Variants in VGLL4 observed in about 807,000 individuals in gnomAD.
The protein encoded by VGLL4 is vestigial like family member 4.
VGLL4 carries 7 observed loss-of-function variants against 21.0 expected under a neutral mutation model. The observed-to-expected ratio is 0.33, with a 90% CI of 0.19 to 0.63. The LOEUF (loss-of-function observed/expected upper bound fraction) is 0.63. VGLL4 is among the 20% of genes least tolerant of loss of function. VGLL4 has a pLI of 0.78. For missense variants in VGLL4, 394 were observed against 425.7 expected (o/e 0.93, Z 0.66); for synonymous variants, 222 against 173.2 (o/e 1.28, Z -2.21).
chr3:11,700,391 T>C (rs2076663921), intron 2 of VGLL4, among the ~76,000 whole-genome samples: 1 of 152,212 alleles, frequency 6.6e-6, no homozygotes, highest in South Asian at 2.1e-4. Flanking sequence ...ATATAAAAAC[T>C]TCTAAACTGA....
chr3:11,663,100 A>G (rs998407112), intron 2 of VGLL4, among the ~76,000 whole-genome samples: 2 of 152,208 alleles, frequency 1.3e-5, no homozygotes, highest in African/African-American at 4.8e-5. Flanking sequence ...AGCTATGAAA[A>G]CAACATGAGC....
chr3:11,689,836 G>A (rs1267341473), intron 2 of VGLL4, among the ~76,000 whole-genome samples: 4 of 152,302 alleles, frequency 2.6e-5, no homozygotes, highest in East Asian at 1.9e-4. Context: ...AAACAAGCAC[G>A]GAGGCAGAGT....
intron 1 of VGLL4, among the ~76,000 whole-genome samples, chr3:11,628,539 G>A (rs1033910195): frequency 2.6e-5 from 4 of 152,010 alleles, no homozygotes; most frequent in African/African-American, 7.2e-5. Flanking sequence ...AATCAATCTC[G>A]GCCGGGCGCG....
upstream of VGLL4, among the ~76,000 whole-genome samples, chr3:11,646,970 T>C (rs1323209695): frequency 6.6e-6 from 1 of 152,234 alleles, no homozygotes. Flanking sequence ...TAATTTTATG[T>C]CTCTCAAATC....
intron 2 of VGLL4, among the ~76,000 whole-genome samples, chr3:11,581,494 A>G (rs2125225107): frequency 6.6e-6 from 1 of 152,034 alleles, no homozygotes; most frequent in East Asian, 1.9e-4. Flanking sequence ...CACTTACTCC[A>G]CTCTCCATTT....
At chr3:11,578,827 G>A (rs1452038426) in intron 2 of VGLL4, among the ~76,000 whole-genome samples, 2 of 132,794 alleles carry the variant, frequency 1.5e-5, no homozygotes, top group African/African-American at 2.9e-5. Flanking sequence ...TCTGCTCATC[G>A]CAAGCTCCAC....
chr3:11,709,531 G>A (rs764164519), intron 1 of VGLL4, among the ~76,000 whole-genome samples: 6 of 149,542 alleles, frequency 4.0e-5, no homozygotes, highest in South Asian at 2.1e-4. Context: ...CACCTTTTTC[G>A]TGGTTGTCAA....
chr3:11,674,570 G>A (rs989274117), intron 2 of VGLL4, among the ~76,000 whole-genome samples: 1 of 152,166 alleles, frequency 6.6e-6, no homozygotes, highest in Non-Finnish European at 1.5e-5. Flanking sequence ...ACATGGCAGA[G>A]ATGAAAATTC....
rs186911258 is a variant in VGLL4 at position 11,581,016 on chromosome 3, G to A, written c.273-15997C>T. 2.5e-3 allele frequency among the ~76,000 whole-genome samples: 384 copies of A among 151,100 alleles called. 3 individuals carry two copies. Among genetic ancestry groups the A allele is most frequent in the South Asian group, 0.011 (53 of 4,764 alleles). On this transcript the variant is annotated intron_variant, in intron 2 of 4. Transcript: ENST00000430365. ...ACATTGGTGTACAGTGTTACAAAGTGCTTTGCATATACATTATGTTAACAG... is the reference window on the plus strand; with the variant it reads ...ACATTGGTGTACAGTGTTACAAAGTACTTTGCATATACATTATGTTAACAG...
chr3:11,605,962 A>G (rs9868100), intron 1 of VGLL4, among the ~76,000 whole-genome samples: 142,643 of 152,334 alleles, frequency 0.94, 66,916 homozygotes, highest in African/African-American at 0.95. Flanking sequence ...CAATAAGCAC[A>G]TGGAAAGATG....
intron 2 of VGLL4, among the ~76,000 whole-genome samples, chr3:11,681,924 A>T (rs2076377299): frequency 6.6e-6 from 1 of 152,200 alleles, no homozygotes; most frequent in Non-Finnish European, 1.5e-5. Context: ...GTGTGGCCAC[A>T]TCTCCAAGGC....
intron 1 of VGLL4, among the ~76,000 whole-genome samples, chr3:11,641,429 TAAAG>T (rs1340194680): frequency 6.6e-6 from 1 of 152,174 alleles, no homozygotes; most frequent in Non-Finnish European, 1.5e-5. Flanking sequence ...TGTTGGATTT[TAAAG>T]AACCATAACC....
At chr3:11,559,886 C>T (rs9848960) in intron 3 of VGLL4, among the ~76,000 whole-genome samples, 24,761 of 151,960 alleles carry the variant, frequency 0.16, 2,222 homozygotes, top group Middle Eastern at 0.24. Context: ...CTTCAATACA[C>T]GGCAATTAAC....
intron 2 of VGLL4, among the ~76,000 whole-genome samples, chr3:11,586,930 C>T (rs2074374787): frequency 6.6e-6 from 1 of 152,216 alleles, no homozygotes; most frequent in South Asian, 2.1e-4. Flanking sequence ...ATGAAAGTCA[C>T]AAGGGAAGTT....
At chr3:11,573,244 AGAGAAAG>A (rs2073850782) in intron 2 of VGLL4, among the ~76,000 whole-genome samples, 1 of 80,936 alleles carries the variant, frequency 1.2e-5, no homozygotes. Flanking sequence ...GAAAAGAAAT[AGAGAAAG>A]AAAGAAAGAA....
At chr3:11,561,795 CACCT>C (rs1390808888) in intron 3 of VGLL4, among the ~76,000 whole-genome samples, 2 of 152,264 alleles carry the variant, frequency 1.3e-5, no homozygotes, top group Admixed American at 1.3e-4. Context: ...CTGTCCCACC[CACCT>C]GTGACTGTCC....
intron 1 of VGLL4, among the ~76,000 whole-genome samples, chr3:11,622,441 A>AG: frequency 6.6e-6 from 1 of 152,150 alleles, no homozygotes; most frequent in African/African-American, 2.4e-5. Flanking sequence ...TCATACTATT[A>AG]CTAGATGGCA....
chr3:11,719,211 G>A lies in VGLL4; in HGVS notation c.-14+1183C>T, dbSNP rs986691120. ...AGGCGCGGGCCTCCTCGCCCGCCCC[G>A]AGCCTCCGACTCCCAGGACGTCCTC... On this transcript the variant is annotated intron_variant, in intron 1 of 5. Coordinates refer to the VGLL4 transcript ENST00000273038. This position sits in a 1 kb window ranked among gnomAD's most constrained non-coding sequence, Gnocchi z 4.0. 2.0e-5 allele frequency among the ~76,000 whole-genome samples: 3 copies of A among 151,942 alleles called. No individual in the cohort carries two copies. Among genetic ancestry groups the A allele is most frequent in the African/African-American group, 7.2e-5 (3 of 41,388 alleles).
intron 2 of VGLL4, among the ~76,000 whole-genome samples, chr3:11,596,487 A>C (rs991858724): frequency 6.6e-6 from 1 of 152,202 alleles, no homozygotes; most frequent in Non-Finnish European, 1.5e-5. Flanking sequence ...GTGTGGATGT[A>C]GTTCTTACTG....
Sources: gnomAD v4.1 joint callset for allele counts (sites outside exome capture counted in the v4.1 genomes callset) on GRCh38, gnomAD v4.1.1 for gene constraint, Gnocchi (gnomAD v3.1) non-coding constraint, MANE v1.5 for transcripts, NCBI Gene and HGNC (gene_info 2026-07-23, HGNC 2026-07-21) for gene names.